The following RANBP17 variants were observed in gnomAD, a reference collection of about 807,000 sequenced individuals.
RANBP17 encodes ran-binding protein 17.
In RANBP17, 158 loss-of-function variants were observed where a neutral mutation model predicts 141.2. The observed-to-expected ratio is 1.12, with a 90% confidence interval of 0.98 to 1.28. The LOEUF (loss-of-function observed/expected upper bound fraction) is 1.28. RANBP17 is among the 50% of genes most tolerant of loss of function. The probability of loss-of-function intolerance (pLI) is 0.00; values close to 1 mark genes in which losing one functional copy is unlikely to be tolerated. For missense variants in RANBP17, 1,438 were observed against 1,290.7 expected (o/e 1.11, Z -1.75); for synonymous variants, 430 against 450.0 (o/e 0.96, Z 0.56).
chr5:170,909,327 A>T (rs1180230014), intron 5 of RANBP17, among the ~76,000 whole-genome samples: 2 of 151,866 alleles, frequency 1.3e-5, no homozygotes, highest in Admixed American at 1.3e-4. Flanking sequence ...TTTGGAGATT[A>T]TCTTGGAGAT....
intron 14 of RANBP17, among the ~76,000 whole-genome samples, chr5:171,155,094 A>ATATATATATATATAT (rs1554106865): frequency 1.3e-5 from 1 of 74,964 alleles, no homozygotes; most frequent in Admixed American, 1.7e-4. Context: ...AAAAAAAAAA[A>ATATATATATATATAT]ATATATATAT....
At chr5:171,100,591 C>G (rs1382237903) in intron 14 of RANBP17, among the ~76,000 whole-genome samples, 1 of 152,104 alleles carries the variant, frequency 6.6e-6, no homozygotes, top group East Asian at 1.9e-4. Flanking sequence ...TTTTGTGTCT[C>G]TATCTCCTTC....
chr5:170,945,273 T>G (rs549488449), intron 12 of RANBP17, among the ~76,000 whole-genome samples: 1 of 152,320 alleles, frequency 6.6e-6, no homozygotes, highest in Non-Finnish European at 1.5e-5. Flanking sequence ...ATTGTGTGAC[T>G]TCATTTTCTT....
Position 170,924,564 on chromosome 5 carries a change from A to G in RANBP17, c.1468+14A>G. On this transcript the variant is annotated intron_variant, in intron 12 of 27. Coordinates refer to ENST00000523189, the MANE Select transcript of RANBP17 (RefSeq NM_022897.5). ...CCATTCAGGAAGGTCAGTAAACTTT[A>G]TATGACTACTGAGTATTATGTTGAA... 1 of 1,516,828 alleles carries G rather than the reference A, an allele frequency of 6.6e-7. No homozygotes were observed. The highest frequency in any genetic ancestry group is 2.3e-5 in the East Asian group (1 of 43,848). The allele number at this position is 1,516,828 out of a possible 1,614,324, so 94.0% of individuals were successfully genotyped here.
intron 1 of RANBP17, among the ~76,000 whole-genome samples, chr5:170,868,654 G>T (rs1767465522): frequency 6.6e-6 from 1 of 151,928 alleles, no homozygotes; most frequent in African/African-American, 2.4e-5. Flanking sequence ...TATTTATATG[G>T]GCTTCTAATG....
intron 14 of RANBP17, among the ~76,000 whole-genome samples, chr5:171,001,915 A>G (rs1242059666): frequency 2.6e-5 from 4 of 152,144 alleles, no homozygotes; most frequent in African/African-American, 7.2e-5. Context: ...GAAAGCATCT[A>G]CCGAGACCAA....
intron 14 of RANBP17, among the ~76,000 whole-genome samples, chr5:171,034,404 C>T (rs1371072753): frequency 6.6e-6 from 1 of 152,116 alleles, no homozygotes; most frequent in East Asian, 1.9e-4. Context: ...TGGTATAAAA[C>T]CTGAATGCTT....
intron 14 of RANBP17, among the ~76,000 whole-genome samples, chr5:171,073,203 A>G (rs1784728351): frequency 6.6e-6 from 1 of 152,168 alleles, no homozygotes; most frequent in Non-Finnish European, 1.5e-5. Context: ...TCCCAGGATG[A>G]AATGGAAACT....
intron 1 of RANBP17, among the ~76,000 whole-genome samples, chr5:170,869,473 A>G (rs1432482696): frequency 2.0e-5 from 3 of 152,116 alleles, no homozygotes; most frequent in African/African-American, 7.2e-5. Context: ...ATTTTCATAG[A>G]TCTGGTGGCC....
intron 14 of RANBP17, among the ~76,000 whole-genome samples, chr5:171,050,737 T>A (rs975549340): frequency 2.0e-5 from 3 of 152,122 alleles, no homozygotes; most frequent in African/African-American, 7.2e-5. Flanking sequence ...TATTTAAATA[T>A]CTACCCTTTC....
chr5:171,045,728 C>T (rs1782539227), intron 14 of RANBP17, among the ~76,000 whole-genome samples: 1 of 152,166 alleles, frequency 6.6e-6, no homozygotes, highest in South Asian at 2.1e-4. Flanking sequence ...ACATTTCCAT[C>T]TTTTCTGGTG....
At chr5:171,286,911 A>G (rs1016591679) in intron 25 of RANBP17, among the ~76,000 whole-genome samples, 3 of 152,068 alleles carry the variant, frequency 2.0e-5, no homozygotes, top group Admixed American at 6.5e-5. Context: ...TTCAAATCCT[A>G]CTCTACTGTA....
intron 5 of RANBP17, among the ~76,000 whole-genome samples, chr5:170,900,448 C>G (rs988556006): frequency 1.3e-5 from 2 of 151,904 alleles, no homozygotes; most frequent in Non-Finnish European, 2.9e-5. Context: ...TTTTGTTAAT[C>G]TTTTCAAAAA....
intron 14 of RANBP17, among the ~76,000 whole-genome samples, chr5:171,040,816 A>C (rs1293515203): frequency 6.6e-6 from 1 of 152,222 alleles, no homozygotes; most frequent in African/African-American, 2.4e-5. Flanking sequence ...TGCATTCTGC[A>C]TTAGTTATCT....
intron 14 of RANBP17, among the ~76,000 whole-genome samples, chr5:171,089,313 C>CTGGA (rs1786003364): frequency 9.3e-6 from 1 of 107,922 alleles, no homozygotes; most frequent in African/African-American, 3.1e-5. Context: ...GCAGTCTGCC[C>CTGGA]GTTCTCAGAT....
chr5:171,043,581 A>G (rs1461408178), intron 14 of RANBP17, among the ~76,000 whole-genome samples: 1 of 152,218 alleles, frequency 6.6e-6, no homozygotes, highest in Non-Finnish European at 1.5e-5. Context: ...AACAGTAAAC[A>G]GGAATATATT....
At chr5:171,187,273 C>T (rs1761318360) in intron 18 of RANBP17, among the ~76,000 whole-genome samples, 1 of 152,040 alleles carries the variant, frequency 6.6e-6, no homozygotes, top group South Asian at 2.1e-4. Context: ...ACAATAATAA[C>T]ATCAAAGGGC....
At chr5:171,125,859 C>T (rs1392363195) in intron 14 of RANBP17, among the ~76,000 whole-genome samples, 6 of 151,400 alleles carry the variant, frequency 4.0e-5, no homozygotes, top group African/African-American at 9.7e-5. Flanking sequence ...GGCACAATCT[C>T]GGCTCAGTGC....
chr5:171,254,114 G>A (rs1180464648), intron 24 of RANBP17, among the ~76,000 whole-genome samples: 1 of 152,056 alleles, frequency 6.6e-6, no homozygotes, highest in East Asian at 1.9e-4. Context: ...GGGTGTGGTG[G>A]CATGCGCCTG....
Sources: allele counts gnomAD v4.1 joint callset (sites outside exome capture counted in the v4.1 genomes callset), GRCh38; gene constraint gnomAD v4.1.1; transcripts MANE v1.5; gene names NCBI Gene and HGNC (gene_info 2026-07-23, HGNC 2026-07-21).